Variants in PITPNC1 observed in about 807,000 individuals in gnomAD.
PITPNC1 encodes cytoplasmic phosphatidylinositol transfer protein 1.
A neutral mutation model predicts 44.7 loss-of-function variants in PITPNC1; 18 were observed. That is an observed-to-expected ratio of 0.40 (90% confidence interval 0.28 to 0.60). PITPNC1 has a LOEUF of 0.60. Among genes scored for constraint, PITPNC1 ranks in the 20% least tolerant of loss-of-function variants. The pLI is 0.39. For missense variants in PITPNC1, 290 were observed against 418.4 expected (o/e 0.69, Z 2.68); for synonymous variants, 141 against 149.6 (o/e 0.94, Z 0.42).
chr17:67,501,094 C>T (rs559154898), intron 1 of PITPNC1, among the ~76,000 whole-genome samples: 2 of 152,244 alleles, frequency 1.3e-5, no homozygotes, highest in South Asian at 2.1e-4. Flanking sequence ...CATTTATTGT[C>T]GCTGTGTAAA....
intron 1 of PITPNC1, among the ~76,000 whole-genome samples, chr17:67,471,240 T>TAAAAAAAAAAA (rs758005772): frequency 8.4e-6 from 1 of 118,356 alleles, no homozygotes; most frequent in Non-Finnish European, 1.8e-5. Context: ...AAAAAAAATG[T>TAAAAAAAAAAA]AAAAAAAAAA....
chr17:67,422,991 AT>A (rs539782599), intron 1 of PITPNC1, among the ~76,000 whole-genome samples: 2,120 of 143,436 alleles, frequency 0.015, 25 homozygotes, highest in African/African-American at 0.037. Flanking sequence ...GTATGCTAGC[AT>A]TTTTTTTTTT....
At chr17:67,650,441 CTTTTTTTTT>C (rs34611864) in intron 6 of PITPNC1, among the ~76,000 whole-genome samples, 1 of 70,984 alleles carries the variant, frequency 1.4e-5, no homozygotes, top group African/African-American at 6.6e-5. Flanking sequence ...AAACCATAGG[CTTTTTTTTT>C]TTTTTTTTTT....
At chr17:67,580,357 T>C (rs1207645746) in intron 5 of PITPNC1, among the ~76,000 whole-genome samples, 1 of 152,186 alleles carries the variant, frequency 6.6e-6, no homozygotes, top group Admixed American at 6.5e-5. Flanking sequence ...ATTTTTTTTT[T>C]CTTTATAAGA....
At chr17:67,631,050 GTTGTTA>G (rs780635256) in intron 5 of PITPNC1, among the ~76,000 whole-genome samples, 4,524 of 134,226 alleles carry the variant, frequency 0.034, 95 homozygotes, top group Non-Finnish European at 0.047. Flanking sequence ...TGTTGTTGTT[GTTGTTA>G]TTATTATTAT....
At chr17:67,661,794 C>T (rs1489336763) in intron 6 of PITPNC1, among the ~76,000 whole-genome samples, 3 of 152,034 alleles carry the variant, frequency 2.0e-5, no homozygotes, top group African/African-American at 4.8e-5. Context: ...GTCAGGAGTT[C>T]GAGACCAGCC....
chr17:67,671,087 C>T (rs1598966152), intron 7 of PITPNC1, among the ~76,000 whole-genome samples: 2 of 152,274 alleles, frequency 1.3e-5, no homozygotes, highest in East Asian at 3.9e-4. Flanking sequence ...GGAGTTTCAC[C>T]ATGTTGGCAG....
chr17:67,571,405 G>A lies in PITPNC1; in HGVS notation c.295-6781G>A, dbSNP rs77965252. Among the ~76,000 whole-genome samples the A allele has an allele frequency of 6.6e-3, 1,000 of 152,266 alleles. 16 individuals are homozygous for A. Among genetic ancestry groups the A allele is most frequent in the African/African-American group, 0.023 (958 of 41,544 alleles). Reference sequence around the variant, plus strand: ...TGAGCTATACTGCATTCAAGCCTGGGCAACAGAATGAGGCTCTGTCTCAAA... The same window carrying A: ...TGAGCTATACTGCATTCAAGCCTGGACAACAGAATGAGGCTCTGTCTCAAA... On this transcript the variant is annotated intron_variant, in intron 4 of 8. Coordinates refer to ENST00000581322, the MANE Select transcript of PITPNC1 (RefSeq NM_012417.4).
intron 6 of PITPNC1, among the ~76,000 whole-genome samples, chr17:67,661,915 A>C (rs1280422661): frequency 6.6e-6 from 1 of 151,772 alleles, no homozygotes; most frequent in East Asian, 1.9e-4. Flanking sequence ...GAATCGCTTG[A>C]ACCCGGGAGG....
chr17:67,532,647 G>A (rs928333462), intron 1 of PITPNC1, among the ~76,000 whole-genome samples, 155 bp from the exon 2 acceptor site: 4 of 152,086 alleles, frequency 2.6e-5, no homozygotes, highest in Non-Finnish European at 5.9e-5. Context: ...TCTCTCCCTA[G>A]CTCCCGAGGA....
intron 4 of PITPNC1, among the ~76,000 whole-genome samples, chr17:67,572,479 G>GGT (rs1754661455): frequency 8.8e-6 from 1 of 114,090 alleles, no homozygotes; most frequent in South Asian, 3.8e-4. Flanking sequence ...GGGGGGGGGG[G>GGT]GTAAAGAAGA....
intron 1 of PITPNC1, among the ~76,000 whole-genome samples, chr17:67,410,077 C>A (rs1035932555): frequency 1.3e-5 from 2 of 152,142 alleles, no homozygotes; most frequent in African/African-American, 2.4e-5. Flanking sequence ...CTTCTATCAG[C>A]GATGTGTCAG....
At chr17:67,440,489 T>C (rs1302176611) in intron 1 of PITPNC1, among the ~76,000 whole-genome samples, 1 of 149,660 alleles carries the variant, frequency 6.7e-6, no homozygotes, top group African/African-American at 2.4e-5. Flanking sequence ...TGTTTTCTCT[T>C]GCAAGACTTT....
chr17:67,655,834 G>T (rs796921174), intron 6 of PITPNC1, among the ~76,000 whole-genome samples: 28 of 152,170 alleles, frequency 1.8e-4, no homozygotes, highest in African/African-American at 6.5e-4. Context: ...TCCCAGCTAG[G>T]TGAGAGGATC....
intron 6 of PITPNC1, among the ~76,000 whole-genome samples, chr17:67,666,862 A>G (rs2042430317): frequency 6.6e-6 from 1 of 152,256 alleles, no homozygotes; most frequent in South Asian, 2.1e-4. Context: ...TTTAGAGGCC[A>G]GTGCCAGATG....
At chr17:67,653,585 C>T (rs755042035) in intron 6 of PITPNC1, among the ~76,000 whole-genome samples, 3 of 152,224 alleles carry the variant, frequency 2.0e-5, no homozygotes, top group Admixed American at 6.5e-5. Flanking sequence ...CAGCAGGAAA[C>T]GAATAGACTA....
At chr17:67,437,383 TGGG>T (rs1444063911) in intron 1 of PITPNC1, among the ~76,000 whole-genome samples, 1 of 151,922 alleles carries the variant, frequency 6.6e-6, no homozygotes, top group East Asian at 1.9e-4. Context: ...AGGCAGAAGT[TGGG>T]GTGTTGCAGC....
chr17:67,660,994 G>A lies in PITPNC1; in HGVS notation c.463-8514G>A, dbSNP rs991540177. Among the ~76,000 whole-genome samples the A allele has an allele frequency of 1.9e-4, 29 of 151,000 alleles. 1 individual carries two copies. The East Asian group carries it at 4.1e-3, about 21-fold the overall frequency. ...TTCCCTCAGCCTACCAAGTAGCTGGGACTACAGGCGCCCGCCACCACGCCC... is the reference window on the plus strand; with the variant it reads ...TTCCCTCAGCCTACCAAGTAGCTGGAACTACAGGCGCCCGCCACCACGCCC... On this transcript the variant is annotated intron_variant, in intron 6 of 8. Coordinates refer to ENST00000581322, the MANE Select transcript of PITPNC1 (RefSeq NM_012417.4).
chr17:67,504,494 G>C (rs1725351562), intron 1 of PITPNC1, among the ~76,000 whole-genome samples: 1 of 152,198 alleles, frequency 6.6e-6, no homozygotes, highest in African/African-American at 2.4e-5. Flanking sequence ...TCAACCTTCT[G>C]CTGTGAAAAG....
Sources: gnomAD v4.1 joint callset for allele counts (sites outside exome capture counted in the v4.1 genomes callset) on GRCh38, gnomAD v4.1.1 for gene constraint, MANE v1.5 for transcripts, NCBI Gene and HGNC (gene_info 2026-07-23, HGNC 2026-07-21) for gene names.